The following SLC24A4 variants were observed in gnomAD, a reference collection of about 807,000 sequenced individuals.
SLC24A4 encodes the protein solute carrier family 24 member 4.
A neutral mutation model predicts 79.0 loss-of-function variants in SLC24A4; 53 were observed. The observed-to-expected ratio is 0.67, with a 90% CI of 0.54 to 0.84. The LOEUF is 0.84. Ranked by LOEUF, SLC24A4 falls within the 40% of genes least tolerant of loss-of-function variation. The pLI is 0.00. For synonymous variants in SLC24A4, 323 were observed against 323.8 expected (o/e 1.00, Z 0.03); for missense variants, 731 against 822.0 (o/e 0.89, Z 1.35).
intron 2 of SLC24A4, among the ~76,000 whole-genome samples, chr14:92,343,580 T>TTTGTTTTC (rs1886290679): frequency 2.4e-5 from 2 of 85,106 alleles, no homozygotes; most frequent in African/African-American, 8.7e-5. Context: ...TTAATTACTG[T>TTTGTTTTC]TTTCTTTCTT....
At chr14:92,446,473 C>G (rs554438928) in intron 8 of SLC24A4, among the ~76,000 whole-genome samples, 2 of 152,144 alleles carry the variant, frequency 1.3e-5, no homozygotes, top group African/African-American at 4.8e-5. Flanking sequence ...ACAATCAGGC[C>G]GAGGACATCA....
intron 2 of SLC24A4, among the ~76,000 whole-genome samples, chr14:92,378,921 G>A (rs1179102406): frequency 6.6e-6 from 1 of 152,154 alleles, no homozygotes; most frequent in African/African-American, 2.4e-5. Flanking sequence ...AATGAGCTGA[G>A]TGTGGTGGTG....
chr14:92,376,129 C>CAG (rs58392818), intron 2 of SLC24A4, among the ~76,000 whole-genome samples: 42,782 of 152,048 alleles, frequency 0.28, 7,873 homozygotes, highest in African/African-American at 0.53. Flanking sequence ...CGTGTTCCAA[C>CAG]GGCCATATGG....
At chr14:92,442,208 TAG>T (rs1211368362) in intron 5 of SLC24A4, 35 bp downstream of exon 5, 12 of 1,570,804 alleles carry the variant, frequency 7.6e-6, no homozygotes, top group Non-Finnish European at 1.0e-5. Context: ...ACACAGGATC[TAG>T]AGAGTCCATT....
chr14:92,474,818 TATAC>T lies in SLC24A4; in HGVS notation c.1256-7858_1256-7855del, dbSNP rs1169340105. 3.9e-5 allele frequency among the ~76,000 whole-genome samples: 3 copies of T among 77,230 alleles called. No individual in the cohort carries two copies. In the Admixed American group the frequency reaches 5.7e-4, roughly 15 times the overall value. The allele number at this position is 77,230 out of a possible 152,430, so 50.7% of individuals were successfully genotyped here. A position where few individuals can be genotyped will look rare whatever the true frequency, so the allele number is the denominator to read the frequency against. On this transcript the variant is annotated intron_variant, in intron 12 of 16. Coordinates refer to ENST00000532405, the MANE Select transcript of SLC24A4 (RefSeq NM_153646.4). The stretch of plus-strand genomic sequence containing the variant: ...GTATATATATACATATATACATATA[TATAC>T]ATATATATGTGTGTGTGTGTGTATA...
chr14:92,404,280 C>A (rs902949635), intron 2 of SLC24A4, among the ~76,000 whole-genome samples: 5 of 152,210 alleles, frequency 3.3e-5, no homozygotes, highest in African/African-American at 1.2e-4. Flanking sequence ...ATAGCCTCTT[C>A]TTATGACAGC....
chr14:92,343,580 T>TTTTCTTTCTTTC lies in SLC24A4; in HGVS notation c.241+17652_241+17663dup, dbSNP rs376436087. On this transcript the variant is annotated intron_variant, in intron 2 of 16. Coordinates refer to ENST00000532405, the MANE Select transcript of SLC24A4 (RefSeq NM_153646.4). ...CAAGCTGCTCACTCATTAATTACTG[T>TTTTCTTTCTTTC]TTTCTTTCTTTCTTTCTTTCTTTCT... 7.0e-3 allele frequency among the ~76,000 whole-genome samples: 600 copies of TTTTCTTTCTTTC among 85,224 alleles called. 8 individuals are homozygous for TTTTCTTTCTTTC. The highest frequency in any genetic ancestry group is 0.013 in the East Asian group (37 of 2,842). The allele number at this position is 85,224 out of a possible 152,430, so 55.9% of individuals were successfully genotyped here.
intron 2 of SLC24A4, among the ~76,000 whole-genome samples, chr14:92,413,378 G>A (rs951860960): frequency 6.6e-6 from 1 of 151,964 alleles, no homozygotes; most frequent in Admixed American, 6.6e-5. Flanking sequence ...CCTAGAAAGT[G>A]TCTCTCTTTC....
At chr14:92,405,175 AC>A (rs1362461182) in intron 2 of SLC24A4, among the ~76,000 whole-genome samples, 1 of 152,110 alleles carries the variant, frequency 6.6e-6, no homozygotes, top group African/African-American at 2.4e-5. Flanking sequence ...TCTATTGCAG[AC>A]CTTTCTTCAC....
At chr14:92,485,930 C>T (rs1366273272) in intron 13 of SLC24A4, among the ~76,000 whole-genome samples, 1 of 152,188 alleles carries the variant, frequency 6.6e-6, no homozygotes, top group Non-Finnish European at 1.5e-5. Context: ...CAAATAGCCT[C>T]ATTCTGGGGG....
intron 2 of SLC24A4, among the ~76,000 whole-genome samples, chr14:92,362,401 C>T (rs753889342): frequency 2.9e-4 from 44 of 152,324 alleles, no homozygotes; most frequent in Non-Finnish European, 5.0e-4. Flanking sequence ...TCCAGTTCCT[C>T]TCCTGTCAGT....
intron 11 of SLC24A4, among the ~76,000 whole-genome samples, chr14:92,454,739 A>G (rs1423200828): frequency 1.3e-5 from 2 of 152,238 alleles, no homozygotes; most frequent in East Asian, 1.9e-4. Flanking sequence ...CACAGTGCCT[A>G]CGGGTTCATA....
At chr14:92,451,941 G>A (rs142090817) in intron 10 of SLC24A4, 4 of 152,458 alleles carry the variant, frequency 2.6e-5, no homozygotes, top group East Asian at 1.9e-4. Context: ...CTGTCATTGA[G>A]TTCTTTTCCC....
intron 2 of SLC24A4, among the ~76,000 whole-genome samples, chr14:92,375,600 A>T (rs1446385401): frequency 6.6e-6 from 1 of 152,276 alleles, no homozygotes; most frequent in Non-Finnish European, 1.5e-5. Flanking sequence ...TGCTATGTCC[A>T]TATAATGGAA....
chr14:92,466,093 G>A (rs4900124), intron 12 of SLC24A4, among the ~76,000 whole-genome samples: 106,663 of 152,002 alleles, frequency 0.7, 37,947 homozygotes, highest in Non-Finnish European at 0.76. Context: ...CCTTAGCATT[G>A]GACACCCATG....
At position 92,490,623 on chromosome 14, in the gene SLC24A4, A is replaced by G. The variant is rs1304031338; in HGVS notation, c.1538-1042A>G. Among the ~76,000 whole-genome samples the G allele has an allele frequency of 6.6e-6, 1 of 152,200 alleles. No individual in the cohort carries two copies. ...ACCAGGGGACCTTGGGCCGCCTGCA[A>G]ACTGTGCCCTTGGGCACATCCCAAG... On this transcript the variant is annotated intron_variant, in intron 14 of 16. Coordinates refer to ENST00000532405, the MANE Select transcript of SLC24A4 (RefSeq NM_153646.4). The surrounding 1 kb of genome is among the most constrained non-coding windows in gnomAD (Gnocchi z 4.3).
At chr14:92,443,516 C>T (rs367613911) in intron 7 of SLC24A4, 42 bp downstream of exon 7, 78 of 1,600,482 alleles carry the variant, frequency 4.9e-5, no homozygotes, top group Middle Eastern at 3.3e-4. Flanking sequence ...TGGCTGGGAC[C>T]CTGCGAAGGC....
At position 92,490,873 on chromosome 14, in the gene SLC24A4, G is replaced by A. The variant is rs374494398; in HGVS notation, c.1538-792G>A. Among the ~76,000 whole-genome samples, 5 of 152,344 alleles carry A rather than the reference G, an allele frequency of 3.3e-5. No homozygotes were observed. The East Asian group carries it at 5.8e-4, about 18-fold the overall frequency. ...AGTGTATTGTCTTGTGGTTCCGGAG[G>A]CCAGAAGCCTGAAGGAGAGTCTGTC... On this transcript the variant is annotated intron_variant, in intron 14 of 16. Transcript: ENST00000532405. The surrounding 1 kb of genome is among the most constrained non-coding windows in gnomAD (Gnocchi z 4.3).
At position 92,390,633 on chromosome 14, in the gene SLC24A4, G is replaced by A. The variant is rs565685980; in HGVS notation, c.242-43279G>A. On this transcript the variant is annotated intron_variant, in intron 2 of 16. Coordinates refer to ENST00000532405, the MANE Select transcript of SLC24A4 (RefSeq NM_153646.4). ...CTCTGTCCCCTGCCCCAGAATGGGC[G>A]GGGGCTCCTCCACCAACCCTGTAAG... Among the ~76,000 whole-genome samples, 73 of 152,276 alleles carry A rather than the reference G, an allele frequency of 4.8e-4. No individual in the cohort carries two copies. In the South Asian group the frequency reaches 8.7e-3, roughly 18 times the overall value.
Sources: allele counts gnomAD v4.1 joint callset (sites outside exome capture counted in the v4.1 genomes callset), GRCh38; gene constraint gnomAD v4.1.1; non-coding constraint Gnocchi (gnomAD v3.1); transcripts MANE v1.5; gene names NCBI Gene and HGNC (gene_info 2026-07-23, HGNC 2026-07-21).